Variants in OPHN1 observed in about 807,000 individuals in gnomAD.
OPHN1 encodes the protein oligophrenin 1, also known as oligophrenin-1.
Under a neutral mutation model 60.7 loss-of-function variants are expected in OPHN1, and 11 were observed. The ratio of observed to expected loss-of-function variants is 0.18; its 90% confidence interval spans 0.11 to 0.30. OPHN1 has a LOEUF of 0.30. OPHN1 is among the 10% of genes least tolerant of loss of function. The pLI, the probability that OPHN1 is intolerant of heterozygous loss-of-function variation, is 1.00. For synonymous variants in OPHN1, 226 were observed against 222.6 expected (o/e 1.02, Z -0.14); for missense variants, 449 against 611.0 (o/e 0.73, Z 2.80).
At chrX:68,108,540 T>A (rs2077091062) in intron 18 of OPHN1, among the ~76,000 whole-genome samples, 1 of 111,760 alleles carries the variant, frequency 8.9e-6, no homozygotes, top group South Asian at 3.7e-4. Flanking sequence ...AAACTTAGCT[T>A]GTGATAACAT....
chrX:68,144,866 C>G (rs1278461750), intron 15 of OPHN1, among the ~76,000 whole-genome samples: 2 of 112,023 alleles, frequency 1.8e-5, no homozygotes, highest in African/African-American at 6.5e-5. Flanking sequence ...TTCAATAAAG[C>G]TCAATATATG....
intron 3 of OPHN1, among the ~76,000 whole-genome samples, chrX:68,285,842 T>C (rs915725903): frequency 1.8e-5 from 2 of 111,022 alleles, no homozygotes; most frequent in African/African-American, 6.6e-5. Flanking sequence ...ATACTGCAAC[T>C]TCCAACTGCA....
At chrX:68,392,565 G>C (rs1286808534) in intron 2 of OPHN1, among the ~76,000 whole-genome samples, 1 of 109,832 alleles carries the variant, frequency 9.1e-6, no homozygotes, top group Non-Finnish European at 1.9e-5. Context: ...CTCAAGCCTG[G>C]AGACCCACGG....
intron 18 of OPHN1, among the ~76,000 whole-genome samples, chrX:68,103,667 T>C (rs999236538): frequency 3.6e-5 from 4 of 110,397 alleles, no homozygotes; most frequent in African/African-American, 1.3e-4. Flanking sequence ...TGATGGAACG[T>C]ATCTCAAAAT....
intron 4 of OPHN1, 128 bp downstream of exon 4, chrX:68,282,928 T>C: frequency 1.9e-6 from 1 of 522,888 alleles, no homozygotes; most frequent in East Asian, 3.7e-5. Context: ...TACCTAACTA[T>C]TTTTATAGCA....
chrX:68,267,910 A>G (rs1200317298), intron 5 of OPHN1, among the ~76,000 whole-genome samples: 1 of 112,202 alleles, frequency 8.9e-6, no homozygotes, highest in Non-Finnish European at 1.9e-5. Flanking sequence ...AAACACCTCT[A>G]TGCAAATAAA....
chrX:68,084,654 A>G (rs189778799), intron 19 of OPHN1, among the ~76,000 whole-genome samples: 46 of 110,913 alleles, frequency 4.1e-4, no homozygotes, highest in African/African-American at 1.5e-3. Flanking sequence ...TCAAGAAGCT[A>G]CCCAGGCCTT....
chrX:68,143,498 G>C (rs1213312216), intron 15 of OPHN1, among the ~76,000 whole-genome samples: 3 of 111,264 alleles, frequency 2.7e-5, no homozygotes, highest in African/African-American at 9.8e-5. Flanking sequence ...ATCCACAGCT[G>C]TTAATGGGGC....
At chrX:68,192,879 A>G in intron 15 of OPHN1, 40 bp downstream of exon 15, 1 of 1,022,915 alleles carries the variant, frequency 9.8e-7, no homozygotes, top group South Asian at 1.9e-5. Context: ...TGTAACACAT[A>G]AAGTACTCCC....
At chrX:68,390,446 A>T (rs1004776805) in intron 2 of OPHN1, among the ~76,000 whole-genome samples, 13 of 110,591 alleles carry the variant, frequency 1.2e-4, no homozygotes, top group African/African-American at 4.3e-4. Flanking sequence ...AAAAAATACA[A>T]AAACTAACAG....
chrX:68,245,972 T>G (rs868662142), intron 5 of OPHN1, among the ~76,000 whole-genome samples: 5 of 111,017 alleles, frequency 4.5e-5, no homozygotes, highest in Middle Eastern at 4.6e-3. Flanking sequence ...GCCTGGCTAA[T>G]TTTTGTCTTT....
rs758882344 is a variant in OPHN1, at chrX:68,064,075, G to T, written c.1937C>A (p.Thr646Asn). ...GCTTGGGGACTTCCTCCCAGGATCA[G>T]TTTCCCCACTCCTCTGAATAGGTAG... Reference protein sequence around the residue: ...PKLPIQRSGETDPGRKSPSRP... With the variant: ...PKLPIQRSGENDPGRKSPSRP... Residue 646 changes from threonine to asparagine, a missense_variant, in exon 21 of 25, where the codon ACT (threonine) becomes AAT (asparagine). By Grantham distance (65) the Thr-to-Asn change is moderately conservative. Around this residue, in one of 4 missense-constraint regions of OPHN1, gnomAD observed 184 missense variants for 160.5 expected, o/e 1.15. Transcript: ENST00000355520. The T allele has an allele frequency of 8.3e-7, 1 of 1,210,699 alleles. No homozygotes were observed. The highest frequency in any genetic ancestry group is 2.2e-5 in the Admixed American group (1 of 45,968).
chrX:68,077,348 A>T (rs1028624900), intron 19 of OPHN1, among the ~76,000 whole-genome samples: 1 of 111,071 alleles, frequency 9.0e-6, no homozygotes, highest in Non-Finnish European at 1.9e-5. Flanking sequence ...ACCCCTATTA[A>T]GCAGAAATCC....
chrX:68,385,703 T>C (rs184097351), intron 2 of OPHN1, among the ~76,000 whole-genome samples: 1 of 112,514 alleles, frequency 8.9e-6, no homozygotes, highest in Non-Finnish European at 1.9e-5. Context: ...ACTTAAAACA[T>C]ATCTCACACA....
At chrX:68,187,454 G>T (rs1366149931) in intron 15 of OPHN1, among the ~76,000 whole-genome samples, 2 of 106,851 alleles carry the variant, frequency 1.9e-5, no homozygotes, top group African/African-American at 6.9e-5. Context: ...AGTGGACCAT[G>T]AGACAAGGAA....
intron 2 of OPHN1, among the ~76,000 whole-genome samples, chrX:68,334,207 T>C (rs59995204): frequency 0.081 from 8,999 of 111,277 alleles, 919 homozygotes; most frequent in African/African-American, 0.28. Context: ...TGTAACAGCA[T>C]GTTTTAAATA....
chrX:68,379,898 T>C (rs930855693), intron 2 of OPHN1, among the ~76,000 whole-genome samples: 12 of 109,313 alleles, frequency 1.1e-4, no homozygotes, highest in Non-Finnish European at 5.7e-5. Context: ...CTTTTTTGGT[T>C]GTGTCTCTGC....
At chrX:68,132,206 C>T (rs1243253367) in intron 15 of OPHN1, among the ~76,000 whole-genome samples, 2 of 109,406 alleles carry the variant, frequency 1.8e-5, no homozygotes, top group Non-Finnish European at 3.8e-5. Context: ...TGGGTATATA[C>T]CCAAATGACT....
At chrX:68,400,687 C>T (rs182504168) in intron 2 of OPHN1, among the ~76,000 whole-genome samples, 336 of 107,105 alleles carry the variant, frequency 3.1e-3, no homozygotes, top group African/African-American at 0.011. Flanking sequence ...CTGCAACCTC[C>T]GACTCCTGGG....
Sources: allele counts gnomAD v4.1 joint callset (sites outside exome capture counted in the v4.1 genomes callset), GRCh38; gene constraint gnomAD v4.1.1; regional missense constraint gnomAD v4.1.1; transcripts MANE v1.5; gene names NCBI Gene and HGNC (gene_info 2026-07-23, HGNC 2026-07-21).